LAMA2: variants seen among roughly 807,000 people sequenced by gnomAD.
LAMA2 encodes the protein laminin subunit alpha-2.
A neutral mutation model predicts 364.8 loss-of-function variants in LAMA2; 269 were observed. The ratio of observed to expected loss-of-function variants is 0.74; its 90% CI spans 0.67 to 0.82. LAMA2 has a LOEUF of 0.82. Ranked by LOEUF, LAMA2 falls within the 40% of genes least tolerant of loss-of-function variation. The pLI is 0.00. For missense variants in LAMA2, 3,807 were observed against 3,873.2 expected (o/e 0.98, Z 0.45); for synonymous variants, 1,379 against 1,370.6 (o/e 1.01, Z -0.14).
At chr6:129,029,410 G>A (rs1023785117) in intron 1 of LAMA2, among the ~76,000 whole-genome samples, 4 of 151,998 alleles carry the variant, frequency 2.6e-5, no homozygotes, top group African/African-American at 9.6e-5. Context: ...AAAAGCAAAC[G>A]GATTAGGAAT....
intron 8 of LAMA2, chr6:129,157,433 G>C (rs1044363345): frequency 5.1e-5 from 76 of 1,477,298 alleles, no homozygotes; most frequent in African/African-American, 8.4e-5. Flanking sequence ...TGAGAACCAA[G>C]TTAACATCCT....
intron 3 of LAMA2, among the ~76,000 whole-genome samples, chr6:129,071,271 TTCCAG>T (rs994471665): frequency 6.6e-6 from 1 of 152,214 alleles, no homozygotes; most frequent in Non-Finnish European, 1.5e-5. Flanking sequence ...CCTTTTTTTA[TTCCAG>T]ATATTGTTGT....
At chr6:129,306,165 T>G (rs1773853550) in intron 22 of LAMA2, among the ~76,000 whole-genome samples, 1 of 151,954 alleles carries the variant, frequency 6.6e-6, no homozygotes, top group South Asian at 2.1e-4. Context: ...ATAACTCTTT[T>G]TCCTTGTGTA....
intron 41 of LAMA2, among the ~76,000 whole-genome samples, chr6:129,433,426 G>T (rs1414754517): frequency 2.0e-5 from 3 of 152,118 alleles, no homozygotes; most frequent in Admixed American, 6.6e-5. Flanking sequence ...TTAGGGGACA[G>T]GGTCTTTAGA....
At chr6:129,158,895 A>G in intron 8 of LAMA2, 1 of 1,610,006 alleles carries the variant, frequency 6.2e-7, no homozygotes, top group South Asian at 1.1e-5. Flanking sequence ...TTAGTTATGC[A>G]TGTGTTATTA....
chr6:129,334,491 A>G (rs1348298204), intron 29 of LAMA2, among the ~76,000 whole-genome samples: 1 of 152,216 alleles, frequency 6.6e-6, no homozygotes, highest in Non-Finnish European at 1.5e-5. Flanking sequence ...CATAAAGATG[A>G]TAATTACCAT....
chr6:128,988,793 C>T (rs1456045565), intron 1 of LAMA2, among the ~76,000 whole-genome samples: 1 of 152,116 alleles, frequency 6.6e-6, no homozygotes, highest in African/African-American at 2.4e-5. Context: ...ATTTAGAAAA[C>T]TCAAATTTCT....
chr6:129,175,477 A>G (rs1780521809), intron 9 of LAMA2, among the ~76,000 whole-genome samples: 1 of 152,238 alleles, frequency 6.6e-6, no homozygotes. Context: ...TATCATTTGC[A>G]TTTGGGTATC....
chr6:129,165,128 G>T (rs1186094731), intron 8 of LAMA2, among the ~76,000 whole-genome samples: 1 of 150,736 alleles, frequency 6.6e-6, no homozygotes, highest in Non-Finnish European at 1.5e-5. Flanking sequence ...ATTAAGCCTA[G>T]ATATATATAC....
intron 1 of LAMA2, among the ~76,000 whole-genome samples, chr6:128,967,054 G>C (rs1781889011): frequency 6.6e-6 from 1 of 152,166 alleles, no homozygotes; most frequent in Non-Finnish European, 1.5e-5. Flanking sequence ...AAAAGCTTAT[G>C]TAAACATGAC....
At position 129,404,170 on chromosome 6, in the gene LAMA2, C is replaced by G. The variant is rs3828737; in HGVS notation, c.5865+211C>G. On this transcript the variant is annotated intron_variant, in intron 40 of 64. Coordinates refer to ENST00000421865, the MANE Select transcript of LAMA2 (RefSeq NM_000426.4). ...AGTCACCCACTACCACTGTTAGGGT[C>G]TTAAAATTATCTCAGAAACCAAGCA... Among the ~76,000 whole-genome samples, 80,397 of 151,880 alleles carry G rather than the reference C, an allele frequency of 0.53. 22,346 individuals are homozygous for G. Among genetic ancestry groups the G allele is most frequent in the African/African-American group, 0.71 (29,488 of 41,448 alleles).
chr6:128,893,850 T>C (rs910523618), intron 1 of LAMA2, among the ~76,000 whole-genome samples: 1 of 151,964 alleles, frequency 6.6e-6, no homozygotes, highest in African/African-American at 2.4e-5. Flanking sequence ...TTATGAAAAA[T>C]AATTTTATAT....
intron 3 of LAMA2, among the ~76,000 whole-genome samples, chr6:129,071,973 A>G (rs1472524141): frequency 6.6e-6 from 1 of 152,062 alleles, no homozygotes; most frequent in African/African-American, 2.4e-5. Context: ...ACCAAACAAA[A>G]CAAAACAAAA....
chr6:129,066,569 G>T (rs1451290928), intron 3 of LAMA2, among the ~76,000 whole-genome samples: 1 of 151,664 alleles, frequency 6.6e-6, no homozygotes, highest in Non-Finnish European at 1.5e-5. Flanking sequence ...GTTTTTCACA[G>T]AAATAAAAAT....
chr6:128,987,126 GT>G (rs377549921), intron 1 of LAMA2, among the ~76,000 whole-genome samples: 44,557 of 121,194 alleles, frequency 0.37, 8,265 homozygotes, highest in African/African-American at 0.51. Context: ...AGGATAGTTT[GT>G]TTTTTTTTTT....
intron 1 of LAMA2, among the ~76,000 whole-genome samples, chr6:129,015,612 T>C (rs1286418701): frequency 6.6e-6 from 1 of 152,120 alleles, no homozygotes; most frequent in Non-Finnish European, 1.5e-5. Context: ...GTTATATTTG[T>C]TACTTTGGTA....
At chr6:129,030,835 A>G (rs751603404) in intron 1 of LAMA2, among the ~76,000 whole-genome samples, 1 of 152,168 alleles carries the variant, frequency 6.6e-6, no homozygotes, top group Non-Finnish European at 1.5e-5. Flanking sequence ...CTGAGCACCT[A>G]TATGATGTCA....
intron 1 of LAMA2, among the ~76,000 whole-genome samples, chr6:128,986,676 C>T (rs934737009): frequency 2.0e-5 from 3 of 151,826 alleles, no homozygotes; most frequent in Middle Eastern, 3.4e-3. Context: ...TTCTTAGCCA[C>T]GATTTTATAT....
chr6:128,929,835 T>C, intron 1 of LAMA2: 1 of 1,032,642 alleles, frequency 9.7e-7, no homozygotes, highest in Non-Finnish European at 1.5e-6. Flanking sequence ...CGCAGTCCCT[T>C]GTAAGTGAAA....
Sources: gnomAD v4.1 joint callset for allele counts (sites outside exome capture counted in the v4.1 genomes callset) on GRCh38, gnomAD v4.1.1 for gene constraint, MANE v1.5 for transcripts, NCBI Gene and HGNC (gene_info 2026-07-23, HGNC 2026-07-21) for gene names.